Variants in CNOT6 observed in about 807,000 individuals in gnomAD.
The protein encoded by CNOT6 is CCR4-NOT transcription complex subunit 6, also known as carbon catabolite repression 4 protein.
Under a neutral mutation model 61.2 loss-of-function variants are expected in CNOT6, and 12 were observed. The ratio of observed to expected loss-of-function variants is 0.20; its 90% CI spans 0.13 to 0.32. The LOEUF (loss-of-function observed/expected upper bound fraction) is 0.32, where lower values mean the gene tolerates loss of function less well. Ranked by LOEUF, CNOT6 falls within the 10% of genes least tolerant of loss-of-function variation. The pLI is 1.00. For synonymous variants in CNOT6, 225 were observed against 240.6 expected (o/e 0.94, Z 0.60); for missense variants, 405 against 663.9 (o/e 0.61, Z 4.28).
chr5:180,553,352 T>C, intron 3 of CNOT6, 34 bp from the exon 4 acceptor site: 1 of 1,482,970 alleles, frequency 6.7e-7, no homozygotes, highest in Non-Finnish European at 9.4e-7. Context: ...GGCTAACATA[T>C]TTTTCTGACT....
At chr5:180,563,948 T>G (rs1198281018) in intron 4 of CNOT6, among the ~76,000 whole-genome samples, 1 of 152,202 alleles carries the variant, frequency 6.6e-6, no homozygotes, top group Non-Finnish European at 1.5e-5. Context: ...TTCCCCCTCC[T>G]TAGTGAGTTA....
chr5:180,567,713 G>A (rs984632975), intron 8 of CNOT6, 136 bp from the exon 9 acceptor site: 15 of 1,128,282 alleles, frequency 1.3e-5, no homozygotes, highest in East Asian at 2.5e-5. Flanking sequence ...GATGCTGAAC[G>A]TGGAGGATTT....
At position 180,529,284 on chromosome 5, in the gene CNOT6, A is replaced by G. The variant is rs1418910300; in HGVS notation, c.8A>G (p.Lys3Arg). Residue 3 changes from lysine (K) to arginine (R), a missense_variant, in exon 2 of 12, where the codon AAA (lysine) becomes AGA (arginine). By Grantham distance (26) the Lys-to-Arg change is conservative. Around this residue, in one of 5 missense-constraint regions of CNOT6, gnomAD observed 212 missense variants for 307.1 expected, o/e 0.69. Transcript: ENST00000261951. ...TTTCTTTTCTTAACAGGCATGCCCA[A>G]AGAAAAATACGAGCCCCCTGACCCT... is the stretch of plus-strand genomic sequence containing the variant. The part of the protein sequence containing the change: MP[K>R]EKYEPPDPRR... 3.7e-6 allele frequency: 6 copies of G among 1,606,398 alleles called. No individual in the cohort carries two copies. Among genetic ancestry groups the G allele is most frequent in the Admixed American group, 1.7e-5 (1 of 59,842 alleles).
At chr5:180,552,962 G>A (rs1363634335) in intron 3 of CNOT6, among the ~76,000 whole-genome samples, 1 of 149,790 alleles carries the variant, frequency 6.7e-6, no homozygotes, top group African/African-American at 2.6e-5. Flanking sequence ...CACATGGTAG[G>A]CTGCTTTATC....
At chr5:180,518,468 T>C (rs1483881225) in intron 1 of CNOT6, among the ~76,000 whole-genome samples, 4 of 151,890 alleles carry the variant, frequency 2.6e-5, no homozygotes, top group Admixed American at 1.3e-4. Flanking sequence ...CAAGTCTATA[T>C]TGATATTCTC....
intron 1 of CNOT6, among the ~76,000 whole-genome samples, chr5:180,512,487 A>C (rs1203195396): frequency 6.6e-6 from 1 of 152,272 alleles, no homozygotes. Flanking sequence ...TCTTCTCAGC[A>C]GTAGAGATCT....
At chr5:180,498,789 G>A (rs1360726637) in intron 1 of CNOT6, among the ~76,000 whole-genome samples, 1 of 152,170 alleles carries the variant, frequency 6.6e-6, no homozygotes, top group Non-Finnish European at 1.5e-5. Flanking sequence ...TATGGAGTTA[G>A]TGACTTTGAA....
At chr5:180,518,001 CATCTCCCCCT>C (rs1757721995) in intron 1 of CNOT6, among the ~76,000 whole-genome samples, 1 of 116,650 alleles carries the variant, frequency 8.6e-6, no homozygotes, top group Non-Finnish European at 2.1e-5. Context: ...TCTCTTCCCC[CATCTCCCCCT>C]CTCTCCTCGT....
At chr5:180,544,283 TA>T (rs1267924126) in intron 2 of CNOT6, among the ~76,000 whole-genome samples, 1 of 152,236 alleles carries the variant, frequency 6.6e-6, no homozygotes, top group Non-Finnish European at 1.5e-5. Flanking sequence ...ATTGACTGAA[TA>T]ATGGTTAGCT....
intron 7 of CNOT6, among the ~76,000 whole-genome samples, chr5:180,566,332 C>T (rs1182973724): frequency 6.6e-6 from 1 of 152,132 alleles, no homozygotes; most frequent in African/African-American, 2.4e-5. Context: ...ATTAAGGCAC[C>T]GTGTAAAAAG....
intron 1 of CNOT6, among the ~76,000 whole-genome samples, chr5:180,499,096 C>A (rs1218391798): frequency 6.6e-6 from 1 of 152,142 alleles, no homozygotes; most frequent in African/African-American, 2.4e-5. Flanking sequence ...TGGCCTGGAT[C>A]TATTTTTAAC....
At chr5:180,524,127 G>C (rs1757990584) in intron 1 of CNOT6, among the ~76,000 whole-genome samples, 1 of 152,108 alleles carries the variant, frequency 6.6e-6, no homozygotes, top group South Asian at 2.1e-4. Context: ...AACTAGTTAG[G>C]TGCTATATGC....
At chr5:180,499,418 G>A (rs1421632545) in intron 1 of CNOT6, among the ~76,000 whole-genome samples, 3 of 152,198 alleles carry the variant, frequency 2.0e-5, no homozygotes, top group African/African-American at 7.2e-5. Flanking sequence ...GATATGGGTT[G>A]TAAACATTTT....
At chr5:180,500,989 A>T (rs1756844731) in intron 1 of CNOT6, among the ~76,000 whole-genome samples, 1 of 152,138 alleles carries the variant, frequency 6.6e-6, no homozygotes, top group Non-Finnish European at 1.5e-5. Flanking sequence ...ATTGGGAACA[A>T]CATGGGCTGT....
chr5:180,568,177 TGAGAAA>T (rs1440773455), intron 9 of CNOT6, among the ~76,000 whole-genome samples, 174 bp downstream of exon 9: 1 of 151,618 alleles, frequency 6.6e-6, no homozygotes, highest in Non-Finnish European at 1.5e-5. Context: ...AAGCTTAACA[TGAGAAA>T]GCATTGCCCA....
intron 1 of CNOT6, among the ~76,000 whole-genome samples, chr5:180,521,761 C>G (rs1473055237): frequency 6.6e-6 from 1 of 152,156 alleles, no homozygotes; most frequent in Non-Finnish European, 1.5e-5. Context: ...TCCATATGTA[C>G]CCAGTGTTTA....
intron 1 of CNOT6, among the ~76,000 whole-genome samples, chr5:180,506,823 C>T (rs1229945126): frequency 6.6e-6 from 1 of 152,130 alleles, no homozygotes; most frequent in Non-Finnish European, 1.5e-5. Flanking sequence ...TTTATACTAT[C>T]CTGGCTTCTC....
At chr5:180,569,067 G>T (rs747444018) in intron 9 of CNOT6, 43 bp from the exon 10 acceptor site, 1 of 1,423,206 alleles carries the variant, frequency 7.0e-7, no homozygotes, top group South Asian at 1.2e-5. Context: ...GGGCTGATGG[G>T]CGGGTTTTGT....
intron 2 of CNOT6, among the ~76,000 whole-genome samples, chr5:180,531,532 C>G (rs11249718): frequency 9.5e-5 from 14 of 147,610 alleles, no homozygotes; most frequent in Non-Finnish European, 2.1e-4. Flanking sequence ...CTCCTCACAT[C>G]CCAGACGATG....
Sources: gnomAD v4.1 joint callset for allele counts (sites outside exome capture counted in the v4.1 genomes callset) on GRCh38, gnomAD v4.1.1 for gene constraint, gnomAD v4.1.1 regional missense constraint, MANE v1.5 for transcripts, NCBI Gene and HGNC (gene_info 2026-07-23, HGNC 2026-07-21) for gene names.